EFHB: variants seen among roughly 807,000 people sequenced by gnomAD.
The protein encoded by EFHB is EF-hand domain family member B.
A neutral mutation model predicts 87.2 loss-of-function variants in EFHB; 91 were observed. The observed-to-expected ratio is 1.04, with a 90% CI of 0.88 to 1.24. EFHB has a LOEUF of 1.24. Ranked by LOEUF, EFHB falls within the 50% of genes most tolerant of loss-of-function variation. The pLI is 0.00. For synonymous variants in EFHB, 325 were observed against 333.6 expected (o/e 0.97, Z 0.28); for missense variants, 1,084 against 998.8 (o/e 1.09, Z -1.15).
upstream of EFHB, among the ~76,000 whole-genome samples, chr3:19,938,038 T>A (rs1696063215): frequency 6.6e-6 from 1 of 152,190 alleles, no homozygotes; most frequent in African/African-American, 2.4e-5. Flanking sequence ...AGGGCATCCA[T>A]CCGAACTTGT....
At chr3:19,883,803 G>A (rs2071741843) in intron 11 of EFHB, among the ~76,000 whole-genome samples, 1 of 152,230 alleles carries the variant, frequency 6.6e-6, no homozygotes, top group Non-Finnish European at 1.5e-5. Context: ...TGATGCTGAA[G>A]AAGCCAAGTG....
intron 1 of EFHB, among the ~76,000 whole-genome samples, chr3:19,924,338 C>A (rs959695197): frequency 1.3e-5 from 2 of 151,698 alleles, no homozygotes; most frequent in Non-Finnish European, 2.9e-5. Context: ...CTCAGCCTCC[C>A]GAGTAGCTGG....
chr3:19,923,812 T>C (rs1268300812), intron 1 of EFHB, among the ~76,000 whole-genome samples: 1 of 152,252 alleles, frequency 6.6e-6, no homozygotes, highest in Non-Finnish European at 1.5e-5. Context: ...AGATATAAGA[T>C]GTTGCATTTA....
At position 19,879,791 on chromosome 3, in the gene EFHB, A is replaced by T; in HGVS notation, c.2342T>A (p.Leu781Ter). 1 of 1,595,530 alleles carries T rather than the reference A, an allele frequency of 6.3e-7. No homozygotes were observed. The highest frequency in any genetic ancestry group is 8.5e-7 in the Non-Finnish European group (1 of 1,173,796). Residue 781 changes from leucine (L) to a stop codon, truncating the protein, a stop_gained, in exon 13 of 13, where the codon TTG becomes TAG. Transcript: ENST00000295824. LOFTEE classifies it high-confidence loss of function. ...AGACAGTTTGACACCAATGTTACAC[A>T]ATATCTCTGCAATCTAGAAAAAGGC... is the stretch of plus-strand genomic sequence containing the variant. ...TRSKEEIAEI[L>*]CNIGVKLSDE...
intron 5 of EFHB, among the ~76,000 whole-genome samples, chr3:19,906,261 G>A (rs967874852): frequency 2.6e-5 from 4 of 152,152 alleles, no homozygotes; most frequent in Admixed American, 6.5e-5. Flanking sequence ...CCCAGGAGGC[G>A]GAGGTTGTGG....
intron 4 of EFHB, among the ~76,000 whole-genome samples, chr3:19,916,784 C>T (rs1695248903): frequency 6.6e-6 from 1 of 152,122 alleles, no homozygotes; most frequent in Non-Finnish European, 1.5e-5. Flanking sequence ...GACCTAACAA[C>T]ATAGATTAAG....
intron 1 of EFHB, among the ~76,000 whole-genome samples, chr3:19,931,741 C>T (rs1439884769): frequency 6.6e-6 from 1 of 152,160 alleles, no homozygotes; most frequent in Non-Finnish European, 1.5e-5. Flanking sequence ...ATTTAATCAT[C>T]CGGGTTTCCT....
At chr3:19,893,976 T>C (rs917748028) in intron 9 of EFHB, among the ~76,000 whole-genome samples, 1 of 152,242 alleles carries the variant, frequency 6.6e-6, no homozygotes, top group African/African-American at 2.4e-5. Context: ...ACAAATGTGC[T>C]GTTTAAGTGA....
intron 9 of EFHB, among the ~76,000 whole-genome samples, chr3:19,890,373 G>A (rs1266774238): frequency 1.4e-4 from 21 of 152,136 alleles, no homozygotes; most frequent in Non-Finnish European, 2.9e-5. Flanking sequence ...GTTCAGTGGG[G>A]TGAGATTCTC....
intron 4 of EFHB, among the ~76,000 whole-genome samples, chr3:19,917,313 T>G (rs1575030853): frequency 1.3e-5 from 2 of 151,892 alleles, no homozygotes; most frequent in Admixed American, 1.3e-4. Flanking sequence ...ACATTTTTCA[T>G]GTGTCATATT....
At chr3:19,882,853 C>A in intron 11 of EFHB, 122 bp from the exon 12 acceptor site, 4 of 799,772 alleles carry the variant, frequency 5.0e-6, no homozygotes, top group South Asian at 5.2e-5. Flanking sequence ...TTGGTGTATT[C>A]CAAATGTAAA....
rs759952652 is a variant in EFHB at position 19,933,813 on chromosome 3, C to A, written c.206G>T (p.Gly69Val). ...CTGTCTTTCTAATCCCATTTCAAGC[C>A]CCTTGCTCAATGGAAATTTTGTTTC... ...PPETKFPLSK[G>V]LEMGLERQNI... Residue 69 changes from glycine (G) to valine (V), a missense_variant, in exon 1 of 13, where the codon GGG becomes GTG. Gly to Val is a moderately radical substitution (Grantham distance 109). Coordinates refer to ENST00000295824, the MANE Select transcript of EFHB (RefSeq NM_144715.4). The A allele has an allele frequency of 1.1e-5, 18 of 1,613,952 alleles. No individual in the cohort carries two copies. The Middle Eastern group carries it at 8.2e-4, about 74-fold the overall frequency.
At chr3:19,941,323 TG>T in intron 1 of EFHB, 1 of 201,202 alleles carries the variant, frequency 5.0e-6, no homozygotes. Context: ...ATAGAGAAAA[TG>T]GATCTCAATA....
Position 19,920,651 on chromosome 3 carries a change from A to G in EFHB, c.790-84T>C, listed in dbSNP as rs1695407836. ...ATGAAATTTATTTCAAACTTGTCCT[A>G]TGCCTCTGAGGCTACAAAGTTACTT... On this transcript the variant is annotated intron_variant, in intron 1 of 12. Transcript: ENST00000295824. 6 of 1,120,802 alleles carry G rather than the reference A, an allele frequency of 5.4e-6. No individual in the cohort carries two copies. In the East Asian group the frequency reaches 1.5e-4, roughly 29 times the overall value. 69.4% of individuals were successfully genotyped at this position (1,120,802 alleles called of 1,614,324 possible).
At chr3:19,943,206 G>T in intron 1 of EFHB, 1 of 259,960 alleles carries the variant, frequency 3.8e-6, no homozygotes, top group South Asian at 5.5e-5. Context: ...AGCTTGGAGT[G>T]ATTCAATTTC....
intron 1 of EFHB, among the ~76,000 whole-genome samples, chr3:19,945,231 A>G (rs1030740163): frequency 2.0e-5 from 3 of 152,218 alleles, no homozygotes; most frequent in African/African-American, 7.2e-5. Context: ...GAACAAATAA[A>G]GAGTATGGGG....
At chr3:19,944,540 T>C (rs1696228073) in intron 1 of EFHB, among the ~76,000 whole-genome samples, 1 of 152,162 alleles carries the variant, frequency 6.6e-6, no homozygotes, top group Non-Finnish European at 1.5e-5. Flanking sequence ...CAACAGAGCT[T>C]TACTGTGTCA....
At chr3:19,902,467 G>A (rs1458787774) in intron 6 of EFHB, among the ~76,000 whole-genome samples, 1 of 152,082 alleles carries the variant, frequency 6.6e-6, no homozygotes, top group African/African-American at 2.4e-5. Context: ...CGATTCTCCT[G>A]CCTCAGCCTC....
intron 6 of EFHB, among the ~76,000 whole-genome samples, chr3:19,905,379 TTTGC>T (rs1355178235): frequency 6.6e-6 from 1 of 152,122 alleles, no homozygotes; most frequent in Non-Finnish European, 1.5e-5. Flanking sequence ...TGTCTTTATG[TTTGC>T]TTGCAACTTC....
Sources: allele counts gnomAD v4.1 joint callset (sites outside exome capture counted in the v4.1 genomes callset), GRCh38; gene constraint gnomAD v4.1.1; transcripts MANE v1.5; gene names NCBI Gene and HGNC (gene_info 2026-07-23, HGNC 2026-07-21).